Variants in ZNF749 observed in about 807,000 individuals in gnomAD.
ZNF749 encodes the protein zinc finger protein 749.
Under a neutral mutation model 7.3 loss-of-function variants are expected in ZNF749, and 8 were observed. That is an observed-to-expected ratio of 1.10 (90% CI 0.64 to 1.98). ZNF749 has a LOEUF of 1.98. ZNF749 is among the 30% of genes most tolerant of loss of function. ZNF749 has a pLI of 0.00. For synonymous variants in ZNF749, 310 were observed against 322.4 expected, an observed-to-expected ratio of 0.96 and a Z score of 0.41; for missense variants, 898 against 932.4, an observed-to-expected ratio of 0.96 and a Z score of 0.48.
At position 57,444,553 on chromosome 19, in the gene ZNF749, G is replaced by A; in HGVS notation, c.1405G>A (p.Asp469Asn). The stretch of plus-strand genomic sequence containing the variant: ...CACTGATGCATTTTCAAAAAGGTCT[G>A]ACCTCATTCAACACAAGAGGATTGA... ...IHTDAFSKRS[D>N]LIQHKRIDIR... Residue 469 changes from aspartate to asparagine, a missense_variant, in exon 3 of 3, where the codon GAC (aspartate) becomes AAC (asparagine). Asp to Asn is a conservative substitution (Grantham distance 23, BLOSUM62 1). Coordinates refer to ENST00000334181, the MANE Select transcript of ZNF749 (RefSeq NM_001023561.4). The A allele has an allele frequency of 1.2e-6, 2 of 1,613,626 alleles. No individual in the cohort carries two copies. Among genetic ancestry groups the A allele is most frequent in the Non-Finnish European group, 1.7e-6 (2 of 1,179,832 alleles).
chr19:57,435,034 T>G (rs530894328), upstream of ZNF749, among the ~76,000 whole-genome samples: 7 of 152,240 alleles, frequency 4.6e-5, no homozygotes, highest in Admixed American at 2.0e-4. Context: ...ATCTGGTTAC[T>G]TGCAGTTTAG....
chr19:57,444,647 G>A lies in ZNF749; in HGVS notation c.1499G>A (p.Gly500Asp), dbSNP rs141565267. Residue 500 changes from glycine (G) to aspartate (D), a missense_variant, in exon 3 of 3, where the codon GGT becomes GAT. By Grantham distance (94) the Gly-to-Asp change is moderately conservative (BLOSUM62 -1). Coordinates refer to ENST00000334181, the MANE Select transcript of ZNF749 (RefSeq NM_001023561.4). ...TTCCTTACACAGGCTCATCTGGTTG[G>A]TCACCAGAAAATCCATACTGGAGAA... Reference protein sequence around the residue: ...KAFLTQAHLVGHQKIHTGERP... With the variant: ...KAFLTQAHLVDHQKIHTGERP... The A allele has an allele frequency of 4.6e-3, 7,432 of 1,604,604 alleles. 25 individuals carry two copies. The highest frequency in any genetic ancestry group is 6.0e-3 in the South Asian group (541 of 90,742).
At chr19:57,438,403 T>A in intron 1 of ZNF749, 1 of 269,416 alleles carries the variant, frequency 3.7e-6, no homozygotes, top group Middle Eastern at 7.6e-4. Flanking sequence ...GGGGCTGCCT[T>A]TGCTCACTAG....
chr19:57,440,045 C>T (rs1357759962), intron 1 of ZNF749, among the ~76,000 whole-genome samples: 1 of 151,806 alleles, frequency 6.6e-6, no homozygotes, highest in African/African-American at 2.4e-5. Context: ...GAGAGTGGAT[C>T]GACTGAGGGT....
At chr19:57,441,805 AT>A in intron 1 of ZNF749, 79 bp from the exon 2 acceptor site, 1 of 1,569,832 alleles carries the variant, frequency 6.4e-7, no homozygotes. Flanking sequence ...CAATTCTTAG[AT>A]TTTAAGTAGA....
chr19:57,445,011 T>C lies in ZNF749; in HGVS notation c.1863T>C (p.Phe621=). The C allele has an allele frequency of 6.2e-7, 1 of 1,614,180 alleles. No homozygotes were observed. The highest frequency in any genetic ancestry group is 1.1e-5 in the South Asian group (1 of 91,086). Residue 621 remains phenylalanine (F), a synonymous_variant, in exon 3 of 3, where the codon TTT becomes TTC. Transcript: ENST00000334181. ...PYKCSKCGKF[F]RYRCTLSRHQ... is the part of the protein sequence containing the mutation. ...AATGCAGCAAATGTGGGAAATTCTT[T>C]AGATATCGCTGTACACTGAGTAGAC...
At position 57,445,672 on chromosome 19, in the gene ZNF749, T is replaced by A. The variant is rs987601926; in HGVS notation, c.*187T>A. 3.3e-5 allele frequency: 19 copies of A among 571,772 alleles called. No homozygotes were observed. The Admixed American group carries it at 6.3e-4, about 19-fold the overall frequency. 35.4% of individuals were successfully genotyped at this position (571,772 alleles called of 1,614,324 possible). A position where few individuals can be genotyped will look rare whatever the true frequency, so the allele number is the denominator to read the frequency against. On this transcript the variant is annotated 3_prime_UTR_variant, in exon 3 of 3. Coordinates refer to ENST00000334181, the MANE Select transcript of ZNF749 (RefSeq NM_001023561.4). ...GTCCAGGCGTGGTGGCTCACGCCTG[T>A]AATCCCAGCACTTTGGGAGGCAGAG...
intron 1 of ZNF749, among the ~76,000 whole-genome samples, chr19:57,441,433 G>A (rs1481053558): frequency 1.3e-5 from 2 of 152,166 alleles, no homozygotes; most frequent in Admixed American, 6.5e-5. Context: ...TAATGGCATT[G>A]AAATAATTTT....
At chr19:57,430,486 C>T (rs1416785110), upstream of ZNF749, among the ~76,000 whole-genome samples, 2 of 152,174 alleles carry the variant, frequency 1.3e-5, no homozygotes, top group Non-Finnish European at 2.9e-5. Context: ...TGGTGTAAGT[C>T]ACATAACTCT....
chr19:57,436,306 C>T lies in ZNF749; in HGVS notation c.15+713C>T, dbSNP rs1442938670. Among the ~76,000 whole-genome samples, 1 of 152,020 alleles carries T rather than the reference C, an allele frequency of 6.6e-6. No homozygotes were observed. Among genetic ancestry groups the T allele is most frequent in the Non-Finnish European group, 1.5e-5 (1 of 68,004 alleles). The stretch of plus-strand genomic sequence containing the variant: ...TCCAAAGGTGAGGGAAGGTAGCTGG[C>T]CTGGAGCTTTAAATGAGTTAGAAGT... On this transcript the variant is annotated intron_variant, in intron 1 of 2. Coordinates refer to ENST00000334181, the MANE Select transcript of ZNF749 (RefSeq NM_001023561.4). This position sits in a 1 kb window ranked among gnomAD's most constrained non-coding sequence, Gnocchi z 4.0.
rs2089061550 is a variant in ZNF749 at position 57,446,010 on chromosome 19, C to G, written c.*525C>G. On this transcript the variant is annotated 3_prime_UTR_variant, in exon 3 of 3. Transcript: ENST00000334181. ...TTAACCCATATTTAACTGTACTGTTCAGTAGTGTTAAGTCATTCGCATTGT... is the reference window on the plus strand; with the variant it reads ...TTAACCCATATTTAACTGTACTGTTGAGTAGTGTTAAGTCATTCGCATTGT... Among the ~76,000 whole-genome samples the G allele has an allele frequency of 6.6e-6, 1 of 152,178 alleles. No homozygotes were observed. The highest frequency in any genetic ancestry group is 6.5e-5 in the Admixed American group (1 of 15,272).
rs1237948963 is a variant in ZNF749 at position 57,439,840 on chromosome 19, T to G, written c.16-2045T>G. ...AGTGGAGGTGCCAGGCTGGCAGTTGTACACACAGGAATGGAGTTCATTGGA... is the reference window on the plus strand; with the variant it reads ...AGTGGAGGTGCCAGGCTGGCAGTTGGACACACAGGAATGGAGTTCATTGGA... On this transcript the variant is annotated intron_variant, in intron 1 of 2. Transcript: ENST00000334181. The surrounding 1 kb of genome is among the most constrained non-coding windows in gnomAD (Gnocchi z 4.3). Among the ~76,000 whole-genome samples, 1 of 152,182 alleles carries G rather than the reference T, an allele frequency of 6.6e-6. No individual in the cohort carries two copies. Among genetic ancestry groups the G allele is most frequent in the Non-Finnish European group, 1.5e-5 (1 of 68,030 alleles).
chr19:57,436,627 G>A lies in ZNF749; in HGVS notation c.15+1034G>A, dbSNP rs144546202. On this transcript the variant is annotated intron_variant, in intron 1 of 2. Transcript: ENST00000334181. The surrounding 1 kb of genome is among the most constrained non-coding windows in gnomAD (Gnocchi z 4.0). ...AGCTGGCCCTGAGGGCCACTCTTTA[G>A]GGAACAAGATAAGGCCATGCAGCAA... Among the ~76,000 whole-genome samples the A allele has an allele frequency of 8.6e-4, 131 of 152,344 alleles. No individual in the cohort carries two copies. The highest frequency in any genetic ancestry group is 3.1e-3 in the African/African-American group (128 of 41,586).
upstream of ZNF749, among the ~76,000 whole-genome samples, chr19:57,430,989 G>A (rs1169726397): frequency 3.7e-5 from 5 of 135,834 alleles, no homozygotes; most frequent in Non-Finnish European, 6.1e-5. Context: ...GCAGTGAGCC[G>A]AAATTGTGCC....
Position 57,441,941 on chromosome 19 carries a change from C to A in ZNF749, c.72C>A (p.Ile24=). Residue 24 remains isoleucine (I), a synonymous_variant, in exon 2 of 3, where the codon ATC becomes ATA. Transcript: ENST00000334181. ...ATTTCTCCCAAGAGGAATGGGGGAT[C>A]CTTAATGATGCTCAGAGACACCTGC... ...AIYFSQEEWG[I]LNDAQRHLHS... is the part of the protein sequence containing the mutation. 5 of 1,614,134 alleles carry A rather than the reference C, an allele frequency of 3.1e-6. No homozygotes were observed. Among genetic ancestry groups the A allele is most frequent in the Non-Finnish European group, 4.2e-6 (5 of 1,180,018 alleles).
In ZNF749 at chr19:57,444,839, C is replaced by T. The variant is rs766892719; in HGVS notation, c.1691C>T (p.Ala564Val). Residue 564 changes from alanine (A) to valine (V), a missense_variant, in exon 3 of 3, where the codon GCC becomes GTC. Transcript: ENST00000334181. ...RPYVCSECGK[A>V]FLTQAHLDGH... ...TATGTGTGTAGTGAATGTGGGAAGG[C>T]CTTCCTTACACAGGCTCATCTAGAT... 6 of 1,613,880 alleles carry T rather than the reference C, an allele frequency of 3.7e-6. No individual in the cohort carries two copies. The highest frequency in any genetic ancestry group is 1.3e-5 in the African/African-American group (1 of 74,912).
At position 57,446,282 on chromosome 19, in the gene ZNF749, T is replaced by G. The variant is rs971628317; in HGVS notation, c.*797T>G. Among the ~76,000 whole-genome samples, 2 of 152,108 alleles carry G rather than the reference T, an allele frequency of 1.3e-5. No homozygotes were observed. Among genetic ancestry groups the G allele is most frequent in the Non-Finnish European group, 2.9e-5 (2 of 68,024 alleles). ...AGGTTGTGTGCTCCTTATGAGAATC[T>G]AACTAATACCTGATGATCTGAGGTG... On this transcript the variant is annotated 3_prime_UTR_variant, in exon 3 of 3. Coordinates refer to ENST00000334181, the MANE Select transcript of ZNF749 (RefSeq NM_001023561.4).
At position 57,441,934 on chromosome 19, in the gene ZNF749, G is replaced by A; in HGVS notation, c.65G>A (p.Trp22Ter). Residue 22 changes from tryptophan (W) to a stop codon, truncating the protein, a stop_gained, in exon 2 of 3, where the codon TGG (tryptophan) becomes TAG (stop). Transcript: ENST00000334181. LOFTEE classifies it high-confidence loss of function. Reference sequence around the variant, plus strand: ...GCCATATATTTCTCCCAAGAGGAATGGGGGATCCTTAATGATGCTCAGAGA... The same window carrying A: ...GCCATATATTTCTCCCAAGAGGAATAGGGGATCCTTAATGATGCTCAGAGA... ...DVAIYFSQEE[W>*]GILNDAQRHL... 1 of 1,614,126 alleles carries A rather than the reference G, an allele frequency of 6.2e-7. No individual in the cohort carries two copies. The highest frequency in any genetic ancestry group is 1.1e-5 in the South Asian group (1 of 91,078).
Position 57,444,141 on chromosome 19 carries a change from T to C in ZNF749, c.993T>C (p.Cys331=), listed in dbSNP as rs751107017. Residue 331 remains cysteine, a synonymous_variant, in exon 3 of 3, where the codon TGT becomes TGC. Transcript: ENST00000334181. ...TGEQPYECNK[C]GKFFMYNSKL... is the part of the protein sequence containing the mutation. ...AACAGCCCTATGAATGCAACAAGTGTGGGAAGTTTTTTATGTATAACTCCA... is the reference window on the plus strand; with the variant it reads ...AACAGCCCTATGAATGCAACAAGTGCGGGAAGTTTTTTATGTATAACTCCA... 1 of 1,613,836 alleles carries C rather than the reference T, an allele frequency of 6.2e-7. No individual in the cohort carries two copies. The highest frequency in any genetic ancestry group is 2.2e-5 in the East Asian group (1 of 44,822).
Sources: allele counts gnomAD v4.1 joint callset (sites outside exome capture counted in the v4.1 genomes callset), GRCh38; gene constraint gnomAD v4.1.1; non-coding constraint Gnocchi (gnomAD v3.1); transcripts MANE v1.5; gene names NCBI Gene and HGNC (gene_info 2026-07-23, HGNC 2026-07-21).